The following PLCB4 variants were observed in gnomAD, a reference collection of about 807,000 sequenced individuals.
PLCB4 encodes the protein phospholipase C beta 4.
A neutral mutation model predicts 178.8 loss-of-function variants in PLCB4; 77 were observed. That is an observed-to-expected ratio of 0.43 (90% CI 0.36 to 0.52). The LOEUF (loss-of-function observed/expected upper bound fraction) is 0.52. Among genes scored for constraint, PLCB4 ranks in the 20% least tolerant of loss-of-function variants. PLCB4 has a pLI of 0.00. For missense variants in PLCB4, 1,024 were observed against 1,453.4 expected, an observed-to-expected ratio of 0.70 and a Z score of 4.80; for synonymous variants, 496 against 490.8, an observed-to-expected ratio of 1.01 and a Z score of -0.14.
rs1037416957 is a variant in PLCB4, at chr20:9,311,145, A to G, written c.84+3247A>G. Among the ~76,000 whole-genome samples, 14 of 152,326 alleles carry G rather than the reference A, an allele frequency of 9.2e-5. No homozygotes were observed. The East Asian group carries it at 2.7e-3, about 29-fold the overall frequency. On this transcript the variant is annotated intron_variant, in intron 4 of 39. Coordinates refer to ENST00000378473, the MANE Select transcript of PLCB4 (RefSeq NM_001377142.1). ...GCCCCCTGACTTTCCTATAATATCCACATCAAAGATCTGAAGAACCCATTC... is the reference window on the plus strand; with the variant it reads ...GCCCCCTGACTTTCCTATAATATCCGCATCAAAGATCTGAAGAACCCATTC...
chr20:9,113,288 A>G (rs1342802497), intron 2 of PLCB4, among the ~76,000 whole-genome samples: 1 of 152,172 alleles, frequency 6.6e-6, no homozygotes, highest in African/African-American at 2.4e-5. Context: ...ACCTCCAAGA[A>G]TGCTTCCTCA....
At chr20:9,385,132 TATAGATTAACAG>T (rs2037475654) in intron 14 of PLCB4, among the ~76,000 whole-genome samples, 1 of 152,212 alleles carries the variant, frequency 6.6e-6, no homozygotes, top group Non-Finnish European at 1.5e-5. Flanking sequence ...GGGGTAAGAT[TATAGATTAACAG>T]CATCCCAAGG....
intron 4 of PLCB4, among the ~76,000 whole-genome samples, chr20:9,323,486 C>G (rs187765206): frequency 3.9e-5 from 6 of 152,182 alleles, no homozygotes; most frequent in Non-Finnish European, 8.8e-5. Context: ...TCATAAGTAC[C>G]TACTATGATC....
In PLCB4 at chr20:9,221,435, C is replaced by T. The variant is rs147549266; in HGVS notation, c.-16+3983C>T. Among the ~76,000 whole-genome samples, 66 of 152,242 alleles carry T rather than the reference C, an allele frequency of 4.3e-4. No homozygotes were observed. In the East Asian group the frequency reaches 9.4e-3, roughly 22 times the overall value. On this transcript the variant is annotated intron_variant, in intron 3 of 39. Coordinates refer to ENST00000378473, the MANE Select transcript of PLCB4 (RefSeq NM_001377142.1). ...CCTTAGCAGCAAAGCACACAAAAGC[C>T]GGGAAAGGGCACACAAGACGATTAA...
chr20:9,388,867 G>C (rs2037900715), intron 15 of PLCB4, among the ~76,000 whole-genome samples: 1 of 152,174 alleles, frequency 6.6e-6, no homozygotes, highest in Non-Finnish European at 1.5e-5. Flanking sequence ...CCATGAATTT[G>C]CATAGCCAGG....
chr20:9,128,851 A>G (rs1416347390), intron 2 of PLCB4, among the ~76,000 whole-genome samples: 1 of 152,140 alleles, frequency 6.6e-6, no homozygotes, highest in Non-Finnish European at 1.5e-5. Flanking sequence ...AGCTCCTGGC[A>G]ACCACCATTC....
chr20:9,410,998 A>G (rs1327258383), intron 24 of PLCB4, 39 bp from the exon 25 acceptor site: 8 of 1,517,082 alleles, frequency 5.3e-6, no homozygotes, highest in Non-Finnish European at 9.1e-7. Flanking sequence ...TTTTTTGTCT[A>G]GGAAGACAAG....
chr20:9,334,654 G>A (rs1014625746), intron 4 of PLCB4, among the ~76,000 whole-genome samples: 1 of 152,166 alleles, frequency 6.6e-6, no homozygotes, highest in African/African-American at 2.4e-5. Flanking sequence ...CTGTGAGGGA[G>A]TGATTGCAAT....
chr20:9,321,328 C>A (rs1287800127), intron 4 of PLCB4, among the ~76,000 whole-genome samples: 1 of 152,186 alleles, frequency 6.6e-6, no homozygotes, highest in African/African-American at 2.4e-5. Context: ...ATACACAGGT[C>A]ACACAGCTTT....
At chr20:9,191,375 C>CTTTTTTTTTTTTTTTTTTTATTTT (rs1445566992) in intron 2 of PLCB4, among the ~76,000 whole-genome samples, 1 of 74,440 alleles carries the variant, frequency 1.3e-5, no homozygotes, top group Non-Finnish European at 2.7e-5. Context: ...TTTTTTTTTG[C>CTTTTTTTTTTTTTTTTTTTATTTT]TTTCCACCGT....
At chr20:9,368,641 ATCCT>A (rs149599221) in intron 9 of PLCB4, among the ~76,000 whole-genome samples, 7,558 of 152,308 alleles carry the variant, frequency 0.05, 255 homozygotes, top group Non-Finnish European at 0.075. Flanking sequence ...CAGTTGCCCC[ATCCT>A]TCACTCAAGA....
At chr20:9,099,732 A>G (rs570571165) in intron 2 of PLCB4, among the ~76,000 whole-genome samples, 1 of 152,268 alleles carries the variant, frequency 6.6e-6, no homozygotes, top group Non-Finnish European at 1.5e-5. Flanking sequence ...GGTTTACCCT[A>G]TAAATCGTGG....
chr20:9,297,111 A>C (rs1046831077), intron 3 of PLCB4, among the ~76,000 whole-genome samples: 4 of 151,634 alleles, frequency 2.6e-5, no homozygotes, highest in South Asian at 2.1e-4. Flanking sequence ...AAAGAGAAAA[A>C]CCCAGTTAGA....
At chr20:9,102,003 C>G (rs2091174437) in intron 2 of PLCB4, among the ~76,000 whole-genome samples, 1 of 152,002 alleles carries the variant, frequency 6.6e-6, no homozygotes, top group Non-Finnish European at 1.5e-5. Context: ...TGCCACCATG[C>G]CCAGATAATT....
chr20:9,443,007 T>C (rs943895138), intron 30 of PLCB4, among the ~76,000 whole-genome samples: 6 of 152,184 alleles, frequency 3.9e-5, no homozygotes, highest in African/African-American at 1.4e-4. Context: ...TTCATTTTGT[T>C]TGCCTAAGAT....
In PLCB4 at chr20:9,307,855, C is replaced by T; in HGVS notation, c.41C>T (p.Pro14Leu). The T allele has an allele frequency of 6.2e-7, 1 of 1,600,588 alleles. No homozygotes were observed. The highest frequency in any genetic ancestry group is 8.6e-7 in the Non-Finnish European group (1 of 1,169,286). The part of the protein sequence containing the change: ...PYEFNWQKEV[P>L]SFLQEGAVFD... Reference sequence around the variant, plus strand: ...GAATTTAACTGGCAGAAGGAAGTTCCCTCCTTTTTGCAAGAAGGAGCAGTT... The same window carrying T: ...GAATTTAACTGGCAGAAGGAAGTTCTCTCCTTTTTGCAAGAAGGAGCAGTT... Residue 14 changes from proline (P) to leucine (L), a missense_variant, in exon 4 of 40, where the codon CCC becomes CTC. Physicochemically the swap from Pro to Leu is moderately conservative, Grantham distance 98. Around this residue, in one of 7 missense-constraint regions of PLCB4, gnomAD observed 225 missense variants for 291.0 expected, o/e 0.77. Coordinates refer to ENST00000378473, the MANE Select transcript of PLCB4 (RefSeq NM_001377142.1).
At chr20:9,105,448 A>G (rs1346943220) in intron 2 of PLCB4, among the ~76,000 whole-genome samples, 1 of 152,114 alleles carries the variant, frequency 6.6e-6, no homozygotes, top group Admixed American at 6.6e-5. Context: ...TACAATTTCT[A>G]TCAAAACTAG....
intron 1 of PLCB4, among the ~76,000 whole-genome samples, chr20:9,086,868 A>G (rs2090450638): frequency 6.6e-6 from 1 of 152,234 alleles, no homozygotes; most frequent in African/African-American, 2.4e-5. Context: ...ACCGGTTTAA[A>G]TGAAGGGCTT....
intron 4 of PLCB4, among the ~76,000 whole-genome samples, chr20:9,312,890 T>C (rs1302144209): frequency 6.6e-6 from 1 of 152,204 alleles, no homozygotes; most frequent in African/African-American, 2.4e-5. Flanking sequence ...CTTTTTCTAC[T>C]GGACACAAGT....
Sources: allele counts gnomAD v4.1 joint callset (sites outside exome capture counted in the v4.1 genomes callset), GRCh38; gene constraint gnomAD v4.1.1; regional missense constraint gnomAD v4.1.1; transcripts MANE v1.5; gene names NCBI Gene and HGNC (gene_info 2026-07-23, HGNC 2026-07-21).